The following MAGI1 variants were observed in gnomAD, a reference collection of about 807,000 sequenced individuals.
The protein encoded by MAGI1 is membrane associated guanylate kinase, WW and PDZ domain containing 1.
A neutral mutation model predicts 139.9 loss-of-function variants in MAGI1; 58 were observed. That is an observed-to-expected ratio of 0.41 (90% CI 0.34 to 0.52). The LOEUF is 0.52. Ranked by LOEUF, MAGI1 falls within the 20% of genes least tolerant of loss-of-function variation. MAGI1 has a pLI of 0.12. For synonymous variants in MAGI1, 812 were observed against 737.9 expected (o/e 1.10, Z -1.63); for missense variants, 1,874 against 1,901.6 (o/e 0.99, Z 0.27).
At chr3:65,868,338 C>T (rs2059801150) in intron 1 of MAGI1, among the ~76,000 whole-genome samples, 2 of 152,136 alleles carry the variant, frequency 1.3e-5, no homozygotes, top group Non-Finnish European at 2.9e-5. Flanking sequence ...AACCTTTGGG[C>T]TAAGTATGAA....
chr3:65,527,496 C>T (rs1054328469), intron 2 of MAGI1, among the ~76,000 whole-genome samples: 3 of 152,088 alleles, frequency 2.0e-5, no homozygotes, highest in Non-Finnish European at 2.9e-5. Context: ...GAGGCCAAGG[C>T]AGGTGGATCA....
chr3:65,611,125 T>G (rs2083070169), intron 2 of MAGI1, among the ~76,000 whole-genome samples: 1 of 139,812 alleles, frequency 7.2e-6, no homozygotes, highest in Non-Finnish European at 1.5e-5. Flanking sequence ...ACGTATATAA[T>G]ATATAGTATA....
In MAGI1 at chr3:65,679,710, C is replaced by T. The variant is rs184987710; in HGVS notation, c.314-57622G>A. ...TGCCTGTGACTCAAGGCCCACGACT[C>T]TTGGTCGGCGGTTTTCAAACCCACT... On this transcript the variant is annotated intron_variant, in intron 1 of 22. Transcript: ENST00000402939. Among the ~76,000 whole-genome samples the T allele has an allele frequency of 1.6e-4, 25 of 152,334 alleles. No individual in the cohort carries two copies. In the East Asian group the frequency reaches 4.8e-3, roughly 29 times the overall value.
chr3:65,724,772 A>C (rs1231931711), intron 1 of MAGI1, among the ~76,000 whole-genome samples: 1 of 152,158 alleles, frequency 6.6e-6, no homozygotes, highest in Admixed American at 6.5e-5. Flanking sequence ...CCTTCTTCAC[A>C]TGGTGGCAGA....
Position 65,712,510 on chromosome 3 carries a change from T to TTTG in MAGI1, c.314-90425_314-90423dup, listed in dbSNP as rs3042858. 1.4e-3 allele frequency among the ~76,000 whole-genome samples: 209 copies of TTTG among 151,854 alleles called. No homozygotes were observed. The South Asian group carries it at 0.024, about 17-fold the overall frequency. On this transcript the variant is annotated intron_variant, in intron 1 of 22. Coordinates refer to ENST00000402939, the MANE Select transcript of MAGI1 (RefSeq NM_001033057.2). Reference sequence around the variant, plus strand: ...AATAAAATTGTGTTTTGTTTTTGTTTTTGTTGTTGTTGTTGTTGTTGAGAC... The same window carrying TTTG: ...AATAAAATTGTGTTTTGTTTTTGTTTTTGTTGTTGTTGTTGTTGTTGTTGAGAC...
intron 1 of MAGI1, among the ~76,000 whole-genome samples, chr3:65,841,776 C>T (rs539828777): frequency 3.7e-4 from 57 of 152,240 alleles, no homozygotes; most frequent in African/African-American, 1.3e-3. Context: ...TTTCCCTCCA[C>T]CAGCCTTTTT....
At chr3:65,800,020 C>T (rs77309094) in intron 1 of MAGI1, among the ~76,000 whole-genome samples, 4,415 of 152,204 alleles carry the variant, frequency 0.029, 88 homozygotes, top group African/African-American at 0.044. Flanking sequence ...CTGAAGGTTC[C>T]GACTGCCTAA....
chr3:65,994,634 T>C (rs1287571495), intron 1 of MAGI1, among the ~76,000 whole-genome samples: 1 of 152,216 alleles, frequency 6.6e-6, no homozygotes, highest in African/African-American at 2.4e-5. Flanking sequence ...CAGTATCTTC[T>C]GTCTCAGCTC....
rs139524567 is a variant in MAGI1, at chr3:66,038,217, G to T, written c.92C>A (p.Thr31Lys). 410 of 1,611,914 alleles carry T rather than the reference G, an allele frequency of 2.5e-4. 2 individuals carry two copies. The highest frequency in any genetic ancestry group is 2.3e-3 in the Middle Eastern group (14 of 6,054). Residue 31 changes from threonine to lysine, a missense_variant, in exon 1 of 23, where the codon ACG becomes AAG. Physicochemically the swap from Thr to Lys is moderately conservative, Grantham distance 78. Around this residue, in one of 5 missense-constraint regions of MAGI1, gnomAD observed 648 missense variants for 598.1 expected, o/e 1.08. Transcript: ENST00000402939. ...KRGPQGELGV[T>K]VLGGAEHGEF... ...CCCGTGCTCCGCGCCTCCCAGCACCGTCACCCCCAGCTCGCCCTGGGGTCC... is the reference window on the plus strand; with the variant it reads ...CCCGTGCTCCGCGCCTCCCAGCACCTTCACCCCCAGCTCGCCCTGGGGTCC...
chr3:65,958,474 T>C (rs913614530), intron 1 of MAGI1, among the ~76,000 whole-genome samples: 2 of 152,202 alleles, frequency 1.3e-5, no homozygotes, highest in African/African-American at 2.4e-5. Context: ...AATGACAAAG[T>C]CATTTCATGC....
At chr3:65,691,596 C>A (rs1463024609) in intron 1 of MAGI1, among the ~76,000 whole-genome samples, 2 of 152,114 alleles carry the variant, frequency 1.3e-5, no homozygotes, top group Non-Finnish European at 2.9e-5. Context: ...AAACACTGAA[C>A]TCAAAGGCCC....
At chr3:65,718,207 T>A (rs981953761) in intron 1 of MAGI1, among the ~76,000 whole-genome samples, 5 of 152,270 alleles carry the variant, frequency 3.3e-5, no homozygotes, top group Non-Finnish European at 2.9e-5. Context: ...CAAACTTTTT[T>A]TTTTAGAGAA....
rs368884916 is a variant in MAGI1, at chr3:65,621,986, C to A, written c.416G>T (p.Arg139Leu). ...CAACTACTTACAAGGCACAGCATGG[C>A]GGTAAAGGTTATCCCTTATGGTCTG... ...LQQTIRDNLY[R>L]HAVPCTTRSP... The change falls in exon 2 of 23, where the codon CGC (arginine) becomes CTC (leucine). Residue 139 changes from arginine to leucine, a missense_variant. Around this residue, in one of 5 missense-constraint regions of MAGI1, gnomAD observed 648 missense variants for 598.1 expected, o/e 1.08. Transcript: ENST00000402939. 1 of 1,611,470 alleles carries A rather than the reference C, an allele frequency of 6.2e-7. No individual in the cohort carries two copies. Among genetic ancestry groups the A allele is most frequent in the South Asian group, 1.1e-5 (1 of 90,968 alleles).
chr3:65,448,512 C>T (rs1948812706), intron 6 of MAGI1, among the ~76,000 whole-genome samples: 1 of 152,046 alleles, frequency 6.6e-6, no homozygotes. Flanking sequence ...AACAGTGCTG[C>T]TTGAAAAATG....
intron 1 of MAGI1, among the ~76,000 whole-genome samples, chr3:66,005,375 C>T (rs1576432816): frequency 6.6e-6 from 1 of 152,288 alleles, no homozygotes. Context: ...ATACTACAGG[C>T]TCTTCCTATG....
chr3:65,839,625 T>C lies in MAGI1; in HGVS notation c.313+198371A>G, dbSNP rs74627770. ...TCAAAATGGATCAGAGATGTAAATG[T>C]AAAATATAAACTATAAAACTGTTTA... On this transcript the variant is annotated intron_variant, in intron 1 of 22. Coordinates refer to ENST00000402939, the MANE Select transcript of MAGI1 (RefSeq NM_001033057.2). Among the ~76,000 whole-genome samples, 624 of 152,296 alleles carry C rather than the reference T, an allele frequency of 4.1e-3. 7 individuals carry two copies. The highest frequency in any genetic ancestry group is 0.032 in the Admixed American group (486 of 15,282).
intron 1 of MAGI1, among the ~76,000 whole-genome samples, chr3:65,955,170 C>A (rs2064059521): frequency 6.6e-6 from 1 of 151,950 alleles, no homozygotes. Flanking sequence ...AGGGGGGAAG[C>A]GAAGAAAACA....
At chr3:65,991,684 A>C (rs565353123) in intron 1 of MAGI1, among the ~76,000 whole-genome samples, 19 of 152,278 alleles carry the variant, frequency 1.2e-4, no homozygotes, top group African/African-American at 3.6e-4. Context: ...TTTCTTGCTT[A>C]GACTCTTCCC....
At chr3:65,620,420 T>C (rs1056364395) in intron 2 of MAGI1, among the ~76,000 whole-genome samples, 3 of 152,142 alleles carry the variant, frequency 2.0e-5, no homozygotes, top group East Asian at 1.9e-4. Flanking sequence ...AGGGTTACTA[T>C]AGGAGGAATG....
Sources: allele counts gnomAD v4.1 joint callset (sites outside exome capture counted in the v4.1 genomes callset), GRCh38; gene constraint gnomAD v4.1.1; regional missense constraint gnomAD v4.1.1; transcripts MANE v1.5; gene names NCBI Gene and HGNC (gene_info 2026-07-23, HGNC 2026-07-21).